Variants in HMGN2 observed in about 807,000 individuals in gnomAD.
HMGN2 encodes high mobility group nucleosomal binding domain 2, also known as non-histone chromosomal protein HMG-17.
HMGN2 carries 2 observed loss-of-function variants against 16.9 expected under a neutral mutation model. The ratio of observed to expected loss-of-function variants is 0.12; its 90% CI spans 0.05 to 0.37. The LOEUF (loss-of-function observed/expected upper bound fraction) is 0.37. HMGN2 is among the 10% of genes least tolerant of loss of function. HMGN2 has a pLI of 1.00. For missense variants in HMGN2, 90 were observed against 106.0 expected, an observed-to-expected ratio of 0.85 and a Z score of 0.66; for synonymous variants, 31 against 34.9, an observed-to-expected ratio of 0.89 and a Z score of 0.39.
In HMGN2 at chr1:26,475,192, A is replaced by G. The variant is rs747946314; in HGVS notation, c.*44A>G. The G allele has an allele frequency of 7.4e-6, 9 of 1,211,482 alleles. No homozygotes were observed. The South Asian group carries it at 1.2e-4, about 16-fold the overall frequency. The allele number at this position is 1,211,482 out of a possible 1,614,324, so 75.0% of individuals were successfully genotyped here. ...AACTGTGTACTTCTGGTGACTGTAC[A>G]GTTTGAAATACTATTTTTTATCAAG... is the stretch of plus-strand genomic sequence containing the variant. On this transcript the variant is annotated 3_prime_UTR_variant, in exon 6 of 6. Transcript: ENST00000361427.
rs12741800 is a variant in HMGN2, at chr1:26,476,057, T to C, written c.*909T>C. ...CAGGGTACGTTCTGCTTTGAGGTACTCCATGTACAGTCTAATGATGATCTT... is the reference window on the plus strand; with the variant it reads ...CAGGGTACGTTCTGCTTTGAGGTACCCCATGTACAGTCTAATGATGATCTT... On this transcript the variant is annotated 3_prime_UTR_variant, in exon 6 of 6. Coordinates refer to ENST00000361427, the MANE Select transcript of HMGN2 (RefSeq NM_005517.4). The C allele has an allele frequency of 0.46, 105,744 of 231,234 alleles. 26,160 individuals are homozygous for C. Among genetic ancestry groups the C allele is most frequent in the Admixed American group, 0.55 (9,921 of 18,124 alleles). The allele number at this position is 231,234 out of a possible 1,614,324, so 14.3% of individuals were successfully genotyped here.
chr1:26,476,559 TAAC>T lies in HMGN2; in HGVS notation c.*1414_*1416del, dbSNP rs2075610124. 6.6e-6 allele frequency among the ~76,000 whole-genome samples: 1 copy of T among 152,230 alleles called. No individual in the cohort carries two copies. The highest frequency in any genetic ancestry group is 1.5e-5 in the Non-Finnish European group (1 of 68,040). On this transcript the variant is annotated 3_prime_UTR_variant, in exon 6 of 6. Coordinates refer to ENST00000361427, the MANE Select transcript of HMGN2 (RefSeq NM_005517.4). ...GTTATTTGTTAGAATATGGAACTGG[TAAC>T]AAATTCATGTTTGCACCTTGAATTT...
rs985184401 is a variant in HMGN2 at position 26,472,492 on chromosome 1, A to G, written c.-121A>G. 3.3e-6 allele frequency: 4 copies of G among 1,229,930 alleles called. No individual in the cohort carries two copies. In the East Asian group the frequency reaches 7.8e-5, roughly 24 times the overall value. 76.2% of individuals were successfully genotyped at this position (1,229,930 alleles called of 1,614,324 possible). A position where few individuals can be genotyped will look rare whatever the true frequency, so the allele number is the denominator to read the frequency against. On this transcript the variant is annotated 5_prime_UTR_variant, in exon 1 of 6. Transcript: ENST00000361427. ...TCCCAGCGCTATAAAAACTTTATAAACCCCCCGGAGCCCGAGCAGTGTGAA... is the reference window on the plus strand; with the variant it reads ...TCCCAGCGCTATAAAAACTTTATAAGCCCCCCGGAGCCCGAGCAGTGTGAA...
rs772362370 is a variant in HMGN2 at position 26,475,089 on chromosome 1, A to G, written c.238-24A>G. On this transcript the variant is annotated intron_variant, in intron 5 of 5. Coordinates refer to ENST00000361427, the MANE Select transcript of HMGN2 (RefSeq NM_005517.4). ...GATAGTTTTGAAATCTACGCATTGC[A>G]TTAATTTGTCTGTTTTCTTTTAGGC... 45 of 1,601,058 alleles carry G rather than the reference A, an allele frequency of 2.8e-5. 1 individual carries two copies. The South Asian group carries it at 4.7e-4, about 17-fold the overall frequency.
rs2075608510 is a variant in HMGN2 at position 26,476,260 on chromosome 1, T to A, written c.*1112T>A. Among the ~76,000 whole-genome samples, 1 of 152,234 alleles carries A rather than the reference T, an allele frequency of 6.6e-6. No homozygotes were observed. Among genetic ancestry groups the A allele is most frequent in the South Asian group, 2.1e-4 (1 of 4,830 alleles). On this transcript the variant is annotated 3_prime_UTR_variant, in exon 6 of 6. Transcript: ENST00000361427. Reference sequence around the variant, plus strand: ...ATGACTCCGAATACATGAAGTGTATTAAATGCAGATTTTTGGTAGATCTGC... The same window carrying A: ...ATGACTCCGAATACATGAAGTGTATAAAATGCAGATTTTTGGTAGATCTGC...
chr1:26,474,240 T>A (rs2075593773), intron 4 of HMGN2, 105 bp downstream of exon 4: 1 of 800,744 alleles, frequency 1.2e-6, no homozygotes, highest in Non-Finnish European at 2.0e-6. Context: ...GGTTATAAAC[T>A]GTGTGGATAG....
At chr1:26,473,225 G>A (rs1330217455) in intron 1 of HMGN2, 3 of 510,400 alleles carry the variant, frequency 5.9e-6, no homozygotes, top group Non-Finnish European at 1.0e-5. Flanking sequence ...ATCTGCAGCT[G>A]TTGCTCCTGC....
chr1:26,476,226 G>GT lies in HMGN2; in HGVS notation c.*1084dup, dbSNP rs1170454573. ...TTATGCAGCATTCCCTGCAGTGTTTGTTTTTTGCATGACTCCGAATACATG... is the reference window on the plus strand; with the variant it reads ...TTATGCAGCATTCCCTGCAGTGTTTGTTTTTTTGCATGACTCCGAATACATG... On this transcript the variant is annotated 3_prime_UTR_variant, in exon 6 of 6. Transcript: ENST00000361427. Among the ~76,000 whole-genome samples, 1 of 152,142 alleles carries GT rather than the reference G, an allele frequency of 6.6e-6. No individual in the cohort carries two copies. Among genetic ancestry groups the GT allele is most frequent in the Non-Finnish European group, 1.5e-5 (1 of 68,024 alleles).
rs1277085008 is a variant in HMGN2 at position 26,476,125 on chromosome 1, G to A, written c.*977G>A. Among the ~76,000 whole-genome samples, 2 of 152,204 alleles carry A rather than the reference G, an allele frequency of 1.3e-5. No individual in the cohort carries two copies. The highest frequency in any genetic ancestry group is 4.8e-5 in the African/African-American group (2 of 41,442). ...GCTTCCAAAACACACAGTGCTAGGT[G>A]CAGTTAGGAAGGATTCCAGGAGTAG... On this transcript the variant is annotated 3_prime_UTR_variant, in exon 6 of 6. Coordinates refer to ENST00000361427, the MANE Select transcript of HMGN2 (RefSeq NM_005517.4).
intron 2 of HMGN2, 62 bp from the exon 3 acceptor site, chr1:26,473,641 G>T: frequency 6.3e-7 from 1 of 1,586,118 alleles, no homozygotes. Flanking sequence ...AGAGCAAATT[G>T]ATACCAAACT....
rs2075608232 is a variant in HMGN2 at position 26,476,219 on chromosome 1, A to G, written c.*1071A>G. Reference sequence around the variant, plus strand: ...TACTTGGTTATGCAGCATTCCCTGCAGTGTTTGTTTTTTGCATGACTCCGA... The same window carrying G: ...TACTTGGTTATGCAGCATTCCCTGCGGTGTTTGTTTTTTGCATGACTCCGA... On this transcript the variant is annotated 3_prime_UTR_variant, in exon 6 of 6. Coordinates refer to ENST00000361427, the MANE Select transcript of HMGN2 (RefSeq NM_005517.4). 1.3e-5 allele frequency among the ~76,000 whole-genome samples: 2 copies of G among 152,200 alleles called. No individual in the cohort carries two copies. Among genetic ancestry groups the G allele is most frequent in the African/African-American group, 2.4e-5 (1 of 41,442 alleles).
rs1286674505 is a variant in HMGN2 at position 26,472,532 on chromosome 1, G to A, written c.-81G>A. On this transcript the variant is annotated 5_prime_UTR_variant, in exon 1 of 6. Transcript: ENST00000361427. ...AGCAGTGTGAAGAAGAGGCGAGAAC[G>A]ACCCCCGGACCGACCAAAGCCCGCG... The A allele has an allele frequency of 3.3e-6, 5 of 1,512,234 alleles. No homozygotes were observed. The East Asian group carries it at 7.4e-5, about 22-fold the overall frequency. The allele number at this position is 1,512,234 out of a possible 1,614,324, so 93.7% of individuals were successfully genotyped here.
Position 26,472,456 on chromosome 1 carries a change from C to T in HMGN2, c.-157C>T, listed in dbSNP as rs993832527. On this transcript the variant is annotated 5_prime_UTR_variant, in exon 1 of 6. Coordinates refer to ENST00000361427, the MANE Select transcript of HMGN2 (RefSeq NM_005517.4). ...GCGGGAGGTGAAATCCGGTTCTAAC[C>T]GGTCCGGGGCTCCCAGCGCTATAAA... The T allele has an allele frequency of 3.3e-6, 3 of 900,080 alleles. No homozygotes were observed. The highest frequency in any genetic ancestry group is 3.4e-5 in the African/African-American group (2 of 58,052). 55.8% of individuals were successfully genotyped at this position (900,080 alleles called of 1,614,324 possible). A position where few individuals can be genotyped will look rare whatever the true frequency, so the allele number is the denominator to read the frequency against.
At chr1:26,473,236 C>T (rs574757903) in intron 1 of HMGN2, 5 of 534,928 alleles carry the variant, frequency 9.3e-6, no homozygotes, top group South Asian at 9.3e-5. Context: ...TTGCTCCTGC[C>T]TGTCGCGGTG....
At chr1:26,473,240 C>G (rs533764827) in intron 1 of HMGN2, 1 of 538,418 alleles carries the variant, frequency 1.9e-6, no homozygotes, top group Non-Finnish European at 3.3e-6. Flanking sequence ...TCCTGCCTGT[C>G]GCGGTGGTGC....
chr1:26,474,548 G>T (rs368132178), intron 4 of HMGN2, 24 bp from the exon 5 acceptor site: 15 of 1,119,820 alleles, frequency 1.3e-5, no homozygotes, highest in Non-Finnish European at 2.0e-5. Flanking sequence ...GGGAGAAACA[G>T]TTCTATTTTT....
intron 3 of HMGN2, 133 bp downstream of exon 3, chr1:26,473,865 C>G: frequency 1.0e-6 from 1 of 982,476 alleles, no homozygotes; most frequent in South Asian, 1.4e-5. Context: ...ACTCTTGCCC[C>G]TTTGGGTTTT....
rs948284711 is a variant in HMGN2 at position 26,475,539 on chromosome 1, G to A, written c.*391G>A. The A allele has an allele frequency of 2.8e-4, 74 of 261,992 alleles. No homozygotes were observed. The highest frequency in any genetic ancestry group is 5.1e-4 in the Non-Finnish European group (67 of 131,756). The allele number at this position is 261,992 out of a possible 1,614,324, so 16.2% of individuals were successfully genotyped here. On this transcript the variant is annotated 3_prime_UTR_variant, in exon 6 of 6. Transcript: ENST00000361427. ...TTCAGCATAGACTTAACTCCCTTAAGCCCAGACATCTGTTGAGACCTGACC... is the reference window on the plus strand; with the variant it reads ...TTCAGCATAGACTTAACTCCCTTAAACCCAGACATCTGTTGAGACCTGACC...
intron 5 of HMGN2, 56 bp downstream of exon 5, chr1:26,474,723 T>C (rs527300398): frequency 3.5e-5 from 30 of 850,266 alleles, no homozygotes; most frequent in Non-Finnish European, 5.2e-5. Flanking sequence ...GTTGCTGATA[T>C]CAAAAATTTA....
Sources: allele counts gnomAD v4.1 joint callset (sites outside exome capture counted in the v4.1 genomes callset), GRCh38; gene constraint gnomAD v4.1.1; transcripts MANE v1.5; gene names NCBI Gene and HGNC (gene_info 2026-07-23, HGNC 2026-07-21).